PPP2R2C: variants seen among roughly 807,000 people sequenced by gnomAD.
The protein encoded by PPP2R2C is protein phosphatase 2, regulatory subunit B, gamma.
In PPP2R2C, 10 loss-of-function variants were observed where a neutral mutation model predicts 45.3. The observed-to-expected ratio is 0.22, with a 90% CI of 0.14 to 0.37. PPP2R2C has a LOEUF of 0.37. Ranked by LOEUF, PPP2R2C falls within the 10% of genes least tolerant of loss-of-function variation. PPP2R2C has a pLI of 1.00. For missense variants in PPP2R2C, 308 were observed against 619.7 expected (o/e 0.50, Z 5.34); for synonymous variants, 257 against 245.4 (o/e 1.05, Z -0.44).
At chr4:6,411,883 C>A (rs1044547801) in intron 1 of PPP2R2C, among the ~76,000 whole-genome samples, 1 of 152,206 alleles carries the variant, frequency 6.6e-6, no homozygotes, top group Non-Finnish European at 1.5e-5. Flanking sequence ...GCCCACTATC[C>A]CAGTGGCCCT....
chr4:6,444,888 C>T (rs1720337768), intron 1 of PPP2R2C, among the ~76,000 whole-genome samples: 1 of 152,176 alleles, frequency 6.6e-6, no homozygotes, highest in Admixed American at 6.5e-5. Context: ...CCCAGTGCAT[C>T]CAAAAACCTC....
chr4:6,472,267 C>A lies in PPP2R2C; in HGVS notation c.-38G>T. The A allele has an allele frequency of 6.2e-7, 1 of 1,611,356 alleles. No homozygotes were observed. Among genetic ancestry groups the A allele is most frequent in the Non-Finnish European group, 8.5e-7 (1 of 1,178,634 alleles). ...CCGGTGCTCTGGGCATGCCCCGCCG[C>A]CACACACCGATGCAATCCGCAGAGG... On this transcript the variant is annotated 5_prime_UTR_variant, in exon 1 of 9. Coordinates refer to ENST00000382599, the MANE Select transcript of PPP2R2C (RefSeq NM_020416.4).
intron 2 of PPP2R2C, among the ~76,000 whole-genome samples, chr4:6,480,210 T>A (rs537383014): frequency 5.3e-5 from 8 of 152,244 alleles, no homozygotes; most frequent in Non-Finnish European, 1.0e-4. Flanking sequence ...TAGAAATTTA[T>A]ATAAACCTGA....
chr4:6,395,062 C>A (rs1213685977), intron 1 of PPP2R2C, among the ~76,000 whole-genome samples: 1 of 152,172 alleles, frequency 6.6e-6, no homozygotes, highest in Non-Finnish European at 1.5e-5. Context: ...CTGCAGCCGC[C>A]TCCTCTCTGG....
intron 2 of PPP2R2C, among the ~76,000 whole-genome samples, chr4:6,509,409 G>GA: frequency 6.6e-6 from 1 of 151,238 alleles, no homozygotes; most frequent in African/African-American, 2.4e-5. Context: ...TATTCAGGGG[G>GA]AAAAAAAGTC....
rs940517486 is a variant in PPP2R2C, at chr4:6,368,419, T to C, written c.625+4104A>G. 5.3e-5 allele frequency among the ~76,000 whole-genome samples: 8 copies of C among 152,256 alleles called. No homozygotes were observed. In the South Asian group the frequency reaches 1.2e-3, roughly 24 times the overall value. On this transcript the variant is annotated intron_variant, in intron 5 of 8. Transcript: ENST00000382599. This position sits in a 1 kb window ranked among gnomAD's most constrained non-coding sequence, Gnocchi z 4.2. The stretch of plus-strand genomic sequence containing the variant: ...TGTCCACTCCTGGAGGCAGAATCTT[T>C]ATCTAGTTCCAGCATCACCCAAGAG...
chr4:6,549,556 A>G (rs1725111213), intron 1 of PPP2R2C, among the ~76,000 whole-genome samples: 2 of 152,116 alleles, frequency 1.3e-5, no homozygotes, highest in South Asian at 4.2e-4. Flanking sequence ...CCACTTCTCC[A>G]CCTGCAGAGC....
At chr4:6,467,944 C>A (rs187291042) in intron 1 of PPP2R2C, among the ~76,000 whole-genome samples, 12 of 152,254 alleles carry the variant, frequency 7.9e-5, no homozygotes, top group South Asian at 2.1e-4. Flanking sequence ...TGTGGTTCTC[C>A]CTACTTTCCA....
At chr4:6,533,453 G>T (rs1724473185) in intron 2 of PPP2R2C, among the ~76,000 whole-genome samples, 1 of 152,178 alleles carries the variant, frequency 6.6e-6, no homozygotes, top group South Asian at 2.1e-4. Context: ...AGGTGCCCCA[G>T]CACAGGCAGA....
chr4:6,445,546 G>A (rs974508686), intron 1 of PPP2R2C, among the ~76,000 whole-genome samples: 6 of 152,222 alleles, frequency 3.9e-5, no homozygotes, highest in African/African-American at 1.4e-4. Flanking sequence ...AGTTGAAGCT[G>A]TTTCTTTTCA....
At chr4:6,388,102 G>A (rs1281129243) in intron 1 of PPP2R2C, among the ~76,000 whole-genome samples, 1 of 152,200 alleles carries the variant, frequency 6.6e-6, no homozygotes, top group Non-Finnish European at 1.5e-5. Context: ...ACTCTGTGTG[G>A]GTGACGAGAA....
chr4:6,414,834 G>A (rs1357545702), intron 1 of PPP2R2C, among the ~76,000 whole-genome samples: 1 of 152,090 alleles, frequency 6.6e-6, no homozygotes, highest in African/African-American at 2.4e-5. Flanking sequence ...AGCTTCAGGG[G>A]CCTCATCTGA....
intron 1 of PPP2R2C, among the ~76,000 whole-genome samples, chr4:6,408,893 G>A (rs1364605785): frequency 2.0e-5 from 2 of 101,876 alleles, no homozygotes; most frequent in Admixed American, 9.9e-5. Flanking sequence ...TTTTTTTTTA[G>A]GATTACAGAT....
At position 6,445,621 on chromosome 4, in the gene PPP2R2C, C is replaced by T. The variant is rs187269507; in HGVS notation, c.70+26539G>A. Among the ~76,000 whole-genome samples the T allele has an allele frequency of 1.5e-4, 23 of 152,260 alleles. No homozygotes were observed. The East Asian group carries it at 4.1e-3, about 27-fold the overall frequency. ...GTAATGCCAGCACTCTGGGAGGCCC[C>T]GGCAGGGGGATCACTTGAGTCTAGG... On this transcript the variant is annotated intron_variant, in intron 1 of 8. Transcript: ENST00000382599.
chr4:6,485,045 T>G (rs771743029), intron 2 of PPP2R2C, among the ~76,000 whole-genome samples: 4 of 151,836 alleles, frequency 2.6e-5, no homozygotes, highest in African/African-American at 9.7e-5. Flanking sequence ...GTTTTTCTCA[T>G]AGATGCTCTT....
chr4:6,562,305 A>C (rs1725602594), intron 1 of PPP2R2C, among the ~76,000 whole-genome samples: 1 of 152,058 alleles, frequency 6.6e-6, no homozygotes, highest in Non-Finnish European at 1.5e-5. Flanking sequence ...TGTCCCTGTG[A>C]TGTCTTCCCG....
chr4:6,393,468 C>T (rs756948301), intron 1 of PPP2R2C, among the ~76,000 whole-genome samples: 5 of 152,206 alleles, frequency 3.3e-5, no homozygotes, highest in East Asian at 1.9e-4. Context: ...ATTTTAATCA[C>T]GATGTCTTTT....
At chr4:6,411,411 G>A (rs1718184486) in intron 1 of PPP2R2C, among the ~76,000 whole-genome samples, 1 of 152,136 alleles carries the variant, frequency 6.6e-6, no homozygotes, top group African/African-American at 2.4e-5. Context: ...GGAGCAGCAG[G>A]AAGGAGGTGT....
intron 1 of PPP2R2C, among the ~76,000 whole-genome samples, chr4:6,460,870 C>A (rs979447676): frequency 6.6e-6 from 1 of 152,134 alleles, no homozygotes; most frequent in Non-Finnish European, 1.5e-5. Flanking sequence ...AGGATACAAT[C>A]CAAACTCCTT....
Sources: gnomAD v4.1 joint callset for allele counts (sites outside exome capture counted in the v4.1 genomes callset) on GRCh38, gnomAD v4.1.1 for gene constraint, Gnocchi (gnomAD v3.1) non-coding constraint, MANE v1.5 for transcripts, NCBI Gene and HGNC (gene_info 2026-07-23, HGNC 2026-07-21) for gene names.